Variants in LGSN observed in about 807,000 individuals in gnomAD.
LGSN encodes the protein lengsin.
In LGSN, 21 loss-of-function variants were observed where a neutral mutation model predicts 19.5. The observed-to-expected ratio is 1.07, with a 90% CI of 0.76 to 1.55. The LOEUF (loss-of-function observed/expected upper bound fraction) is 1.55. Ranked by LOEUF, LGSN falls within the 40% of genes most tolerant of loss-of-function variation. LGSN has a pLI of 0.00. For synonymous variants in LGSN, 257 were observed against 215.6 expected, an observed-to-expected ratio of 1.19 and a Z score of -1.68; for missense variants, 673 against 608.5, an observed-to-expected ratio of 1.11 and a Z score of -1.12.
chr6:63,285,702 C>G lies in LGSN; in HGVS notation c.215G>C (p.Arg72Thr), dbSNP rs1460312972. ...QILTPPQLSS[R>T]MKHIRQAMAK... ...CATGGCTTGTCTAATGTGTTTCATT[C>G]TAGAAGAGAGTTGAGGTGGGGTCAA... Residue 72 changes from arginine to threonine, a missense_variant, in exon 3 of 4, where the codon AGA becomes ACA. Transcript: ENST00000370657. The G allele has an allele frequency of 6.2e-7, 1 of 1,613,952 alleles. No homozygotes were observed. The highest frequency in any genetic ancestry group is 8.5e-7 in the Non-Finnish European group (1 of 1,179,972).
intron 1 of LGSN, among the ~76,000 whole-genome samples, chr6:63,299,845 G>T (rs758684678): frequency 1.3e-5 from 2 of 151,986 alleles, no homozygotes; most frequent in Non-Finnish European, 2.9e-5. Context: ...TTTTTTCTGG[G>T]TCTACTGGTC....
the LGSN span, among the ~76,000 whole-genome samples, chr6:63,347,865 A>G: frequency 6.6e-6 from 1 of 152,216 alleles, no homozygotes; most frequent in Admixed American, 6.5e-5. Context: ...TAAGTCATAT[A>G]TGACTCATAC....
chr6:63,338,367 T>A, the LGSN span, among the ~76,000 whole-genome samples: 1 of 152,192 alleles, frequency 6.6e-6, no homozygotes, highest in African/African-American at 2.4e-5. Flanking sequence ...TGTCTGCTCT[T>A]CAGGCCCTCA....
At chr6:63,357,681 T>G in the LGSN span, among the ~76,000 whole-genome samples, 1 of 152,310 alleles carries the variant, frequency 6.6e-6, no homozygotes, top group East Asian at 1.9e-4. Context: ...ATGGGGTTGT[T>G]TGTTTTTTTC....
At chr6:63,572,572 CCCG>C in the LGSN span, 1 of 413,522 alleles carries the variant, frequency 2.4e-6, no homozygotes, top group Non-Finnish European at 4.2e-6. Flanking sequence ...GTCTGGTGCC[CCCG>C]CCGCCGCCTG....
At chr6:63,352,636 G>GTC in the LGSN span, among the ~76,000 whole-genome samples, 26 of 148,372 alleles carry the variant, frequency 1.8e-4, no homozygotes, top group Non-Finnish European at 3.0e-4. Flanking sequence ...ACTCCAGTCT[G>GTC]TCTCTCTCTC....
chr6:63,572,896 G>A, the LGSN span, among the ~76,000 whole-genome samples: 1 of 152,096 alleles, frequency 6.6e-6, no homozygotes, highest in African/African-American at 2.4e-5. Flanking sequence ...GATTGCGGCC[G>A]GCTGTGCGGA....
the LGSN span, among the ~76,000 whole-genome samples, chr6:63,469,987 A>G: frequency 1.3e-5 from 2 of 151,974 alleles, no homozygotes; most frequent in African/African-American, 2.4e-5. Flanking sequence ...AAGTGCTGGG[A>G]TTACAGGCGT....
chr6:63,456,375 A>ACTTTTTTTT, the LGSN span, among the ~76,000 whole-genome samples: 1 of 37,354 alleles, frequency 2.7e-5, no homozygotes, highest in Non-Finnish European at 8.3e-5. Flanking sequence ...ATATATATAT[A>ACTTTTTTTT]TATATATATA....
chr6:63,569,324 C>T, the LGSN span, among the ~76,000 whole-genome samples: 1 of 152,162 alleles, frequency 6.6e-6, no homozygotes, highest in African/African-American at 2.4e-5. Context: ...GCCATGATCT[C>T]GGCTCACTGC....
chr6:63,486,599 AC>A, the LGSN span, among the ~76,000 whole-genome samples: 2 of 152,062 alleles, frequency 1.3e-5, no homozygotes, highest in African/African-American at 4.8e-5. Context: ...GGTTTGTGTA[AC>A]AGCTAACCCG....
At chr6:63,421,424 GA>G in the LGSN span, among the ~76,000 whole-genome samples, 16 of 103,328 alleles carry the variant, frequency 1.5e-4, no homozygotes, top group South Asian at 2.9e-4. Context: ...GATTCTGTCT[GA>G]AAAAAAAAAA....
chr6:63,388,418 T>C, the LGSN span, among the ~76,000 whole-genome samples: 1 of 152,090 alleles, frequency 6.6e-6, no homozygotes, highest in Non-Finnish European at 1.5e-5. Context: ...TGTGACCATA[T>C]TTAGAGATAG....
the LGSN span, among the ~76,000 whole-genome samples, chr6:63,558,429 A>G: frequency 6.6e-6 from 1 of 152,212 alleles, no homozygotes; most frequent in Admixed American, 6.5e-5. Context: ...AGCCAGTCAG[A>G]CAGAAAAGAA....
chr6:63,280,641 T>C lies in LGSN; in HGVS notation c.910A>G (p.Ile304Val), dbSNP rs747607356. The change falls in exon 4 of 4, where the codon ATT becomes GTT. Residue 304 changes from isoleucine (I) to valine (V), a missense_variant. By Grantham distance (29) the Ile-to-Val change is conservative (BLOSUM62 3). Transcript: ENST00000370657. Reference protein sequence around the residue: ...RKYNYIASFFIETGFCDSGIL... With the variant: ...RKYNYIASFFVETGFCDSGIL... ...CCTGAATCACAAAATCCAGTCTCAA[T>C]GAAGAAGCTGGCAATGTAATTATAT... 2.5e-6 allele frequency: 4 copies of C among 1,614,080 alleles called. No homozygotes were observed. The highest frequency in any genetic ancestry group is 3.4e-6 in the Non-Finnish European group (4 of 1,180,034).
At chr6:63,459,394 A>G in the LGSN span, among the ~76,000 whole-genome samples, 1 of 152,122 alleles carries the variant, frequency 6.6e-6, no homozygotes, top group Admixed American at 6.6e-5. Context: ...TAATTATTGT[A>G]CTTTTTTGAA....
At chr6:63,543,583 T>C in the LGSN span, among the ~76,000 whole-genome samples, 5 of 152,202 alleles carry the variant, frequency 3.3e-5, no homozygotes, top group African/African-American at 7.2e-5. Flanking sequence ...GTGTTGATGA[T>C]TGAATGTGAG....
chr6:63,556,881 C>T, the LGSN span, among the ~76,000 whole-genome samples: 1 of 152,198 alleles, frequency 6.6e-6, no homozygotes, highest in East Asian at 1.9e-4. Context: ...CAAGATAAAC[C>T]CATCTATTAT....
the LGSN span, among the ~76,000 whole-genome samples, chr6:63,522,138 T>C: frequency 6.6e-6 from 1 of 152,264 alleles, no homozygotes; most frequent in Admixed American, 6.5e-5. Context: ...CAGATTAGGC[T>C]CTTGAATTTC....
Sources: allele counts gnomAD v4.1 joint callset (sites outside exome capture counted in the v4.1 genomes callset), GRCh38; gene constraint gnomAD v4.1.1; transcripts MANE v1.5; gene names NCBI Gene and HGNC (gene_info 2026-07-23, HGNC 2026-07-21).